Variants in CFAP46 observed in about 807,000 individuals in gnomAD.
CFAP46 encodes the protein cilia- and flagella-associated protein 46.
A neutral mutation model predicts 325.7 loss-of-function variants in CFAP46; 245 were observed. That is an observed-to-expected ratio of 0.75 (90% CI 0.68 to 0.84). The LOEUF (loss-of-function observed/expected upper bound fraction) is 0.84. Ranked by LOEUF, CFAP46 falls within the 40% of genes least tolerant of loss-of-function variation. The probability of loss-of-function intolerance (pLI) is 0.00; values close to 1 mark genes in which losing one functional copy is unlikely to be tolerated. For synonymous variants in CFAP46, 1,523 were observed against 1,495.9 expected, an observed-to-expected ratio of 1.02 and a Z score of -0.42; for missense variants, 3,346 against 3,543.0, an observed-to-expected ratio of 0.94 and a Z score of 1.41.
Position 132,937,036 on chromosome 10 carries a change from T to A in CFAP46, c.680A>T (p.Asp227Val). Residue 227 changes from aspartate (D) to valine (V), a missense_variant, in exon 7 of 58, where the codon GAC (aspartate) becomes GTC (valine). Physicochemically the swap from Asp to Val is radical, Grantham distance 152 (BLOSUM62 -3). Coordinates refer to ENST00000368586, the MANE Select transcript of CFAP46 (RefSeq NM_001200049.3). ...CTTTTCTTCCTTTAACTGAAGTTCG[T>A]CCATTAATTCATGACGAACCTGTCA... ...FSVMVRHELM[D>V]ELQLKEEKKN... is the part of the protein sequence containing the mutation. 1 of 1,527,298 alleles carries A rather than the reference T, an allele frequency of 6.5e-7. No individual in the cohort carries two copies. The highest frequency in any genetic ancestry group is 8.9e-7 in the Non-Finnish European group (1 of 1,126,348). 94.6% of individuals were successfully genotyped at this position (1,527,298 alleles called of 1,614,324 possible).
Position 132,847,165 on chromosome 10 carries a change from G to C in CFAP46, c.6087+22C>G, listed in dbSNP as rs376079983. ...CAGGCTCCGGGCAGAGGCCACACGA[G>C]GGGCAGGAGGGGCAGCCGCACCTTC... On this transcript the variant is annotated intron_variant, in intron 42 of 57. Coordinates refer to ENST00000368586, the MANE Select transcript of CFAP46 (RefSeq NM_001200049.3). The surrounding 1 kb of genome is among the most constrained non-coding windows in gnomAD (Gnocchi z 5.2). The C allele has an allele frequency of 1.1e-4, 184 of 1,608,558 alleles. No homozygotes were observed. The African/African-American group carries it at 1.8e-3, about 16-fold the overall frequency.
intron 6 of CFAP46, 61 bp downstream of exon 6, chr10:132,937,491 C>A (rs1850026955): frequency 6.2e-7 from 1 of 1,603,120 alleles, no homozygotes; most frequent in Non-Finnish European, 8.5e-7. Flanking sequence ...ACGCAGTTTT[C>A]TGAACAATGA....
At chr10:132,936,880 C>G (rs1185481745) in intron 7 of CFAP46, 81 bp downstream of exon 7, 14 of 748,498 alleles carry the variant, frequency 1.9e-5, no homozygotes, top group Non-Finnish European at 2.8e-5. Flanking sequence ...CACAGGACCT[C>G]CCCCCATGGA....
rs1016128243 is a variant in CFAP46, at chr10:132,886,873, C to T, written c.3305-914G>A. On this transcript the variant is annotated intron_variant, in intron 25 of 57. Transcript: ENST00000368586. The surrounding 1 kb of genome is among the most constrained non-coding windows in gnomAD (Gnocchi z 5.8). ...ACAGCCATGGCGACTAGAATGCTGACGCGTCCCCTCCCCGTCATGGGCGCT... is the reference window on the plus strand; with the variant it reads ...ACAGCCATGGCGACTAGAATGCTGATGCGTCCCCTCCCCGTCATGGGCGCT... Among the ~76,000 whole-genome samples the T allele has an allele frequency of 2.6e-5, 4 of 152,116 alleles. No individual in the cohort carries two copies. Among genetic ancestry groups the T allele is most frequent in the East Asian group, 1.9e-4 (1 of 5,158 alleles).
rs1564806656 is a variant in CFAP46 at position 132,937,027 on chromosome 10, T to G, written c.689A>C (p.Gln230Pro). The change falls in exon 7 of 58, where the codon CAG becomes CCG. Residue 230 changes from glutamine (Q) to proline (P), a missense_variant. Physicochemically the swap from Gln to Pro is moderately conservative, Grantham distance 76. Coordinates refer to ENST00000368586, the MANE Select transcript of CFAP46 (RefSeq NM_001200049.3). ...MVRHELMDEL[Q>P]LKEEKKNSIS... ...GGAATTTTTCTTTTCTTCCTTTAAC[T>G]GAAGTTCGTCCATTAATTCATGACG... 3.9e-6 allele frequency: 6 copies of G among 1,535,652 alleles called. No homozygotes were observed.
intron 8 of CFAP46, among the ~76,000 whole-genome samples, chr10:132,930,598 C>T (rs1849881559): frequency 2.4e-5 from 3 of 127,392 alleles, no homozygotes; most frequent in African/African-American, 6.1e-5. Flanking sequence ...TGGGCCTCCC[C>T]ACACTCCCCA....
rs1295890426 is a variant in CFAP46 at position 132,811,181 on chromosome 10, G to T, written c.7502-150C>A. 15 of 694,600 alleles carry T rather than the reference G, an allele frequency of 2.2e-5. No homozygotes were observed. The East Asian group carries it at 3.9e-4, about 18-fold the overall frequency. The allele number at this position is 694,600 out of a possible 1,614,324, so 43.0% of individuals were successfully genotyped here. A position where few individuals can be genotyped will look rare whatever the true frequency, so the allele number is the denominator to read the frequency against. ...CGGGCTCCGACCTCATGACCGTCAG[G>T]TTTTTTCCAGGGACCCCCTGGCCAC... is the stretch of plus-strand genomic sequence containing the variant. On this transcript the variant is annotated intron_variant, in intron 55 of 57. Transcript: ENST00000368586.
chr10:132,867,583 C>T (rs893344065), intron 33 of CFAP46, 76 bp from the exon 34 acceptor site: 24 of 1,500,574 alleles, frequency 1.6e-5, no homozygotes, highest in African/African-American at 2.8e-5. Flanking sequence ...ACCAAAGAAA[C>T]GCAAACGAAA....
chr10:132,942,010 C>T lies in CFAP46; in HGVS notation c.144G>A (p.Leu48=). ...FDPSESFSPD[L]FVLCAEQALK... ...GGGCCTGCTCTGCACACAGAACAAA[C>T]AGGTCTGGGCTGAAGCTCTCTGAGG... The change falls in exon 2 of 58, where the codon CTG becomes CTA. Residue 48 remains leucine (L), a synonymous_variant. Transcript: ENST00000368586. 1 of 1,551,930 alleles carries T rather than the reference C, an allele frequency of 6.4e-7. No homozygotes were observed. Among genetic ancestry groups the T allele is most frequent in the Non-Finnish European group, 8.7e-7 (1 of 1,147,056 alleles).
In CFAP46 at chr10:132,830,938, C is replaced by A. The variant is rs115225441; in HGVS notation, c.7117+2420G>T. 4.7e-3 allele frequency among the ~76,000 whole-genome samples: 711 copies of A among 152,304 alleles called. 9 individuals carry two copies. Among genetic ancestry groups the A allele is most frequent in the African/African-American group, 0.016 (669 of 41,572 alleles). On this transcript the variant is annotated intron_variant, in intron 50 of 57. Transcript: ENST00000368586. ...GCTTAGTTCCATAAAGTCCTTCTTGCGCTTCAGCAGCATCCACACATAATG... is the reference window on the plus strand; with the variant it reads ...GCTTAGTTCCATAAAGTCCTTCTTGAGCTTCAGCAGCATCCACACATAATG...
chr10:132,907,757 G>T (rs552658576), intron 22 of CFAP46, among the ~76,000 whole-genome samples: 1 of 152,174 alleles, frequency 6.6e-6, no homozygotes, highest in Non-Finnish European at 1.5e-5. Context: ...TGGCCTTTGA[G>T]GGGGGTTGGA....
intron 22 of CFAP46, among the ~76,000 whole-genome samples, chr10:132,906,965 G>A (rs1408175003): frequency 1.3e-5 from 2 of 152,256 alleles, no homozygotes; most frequent in African/African-American, 4.8e-5. Flanking sequence ...TGGCCTGCTT[G>A]TGCCTCTGAG....
At chr10:132,910,245 C>T (rs1439878689) in intron 19 of CFAP46, 177 bp from the exon 20 acceptor site, 6 of 533,128 alleles carry the variant, frequency 1.1e-5, no homozygotes, top group Non-Finnish European at 1.5e-5. Context: ...GATGAAGCCC[C>T]ACCCCCAGAC....
chr10:132,933,792 C>T (rs554418279), intron 8 of CFAP46, among the ~76,000 whole-genome samples: 6 of 152,346 alleles, frequency 3.9e-5, no homozygotes, highest in African/African-American at 1.4e-4. Context: ...CCACCAGGAC[C>T]GAGGCCTGAA....
At chr10:132,926,044 G>C (rs890389340) in intron 10 of CFAP46, among the ~76,000 whole-genome samples, 2 of 152,232 alleles carry the variant, frequency 1.3e-5, no homozygotes, top group Admixed American at 6.5e-5. Flanking sequence ...AGTCTAAAAG[G>C]ATTCCTAGTT....
intron 27 of CFAP46, among the ~76,000 whole-genome samples, chr10:132,883,129 T>C (rs1057139660): frequency 1.3e-5 from 2 of 152,144 alleles, no homozygotes; most frequent in Non-Finnish European, 2.9e-5. Context: ...TAGAATTTCA[T>C]CACAATTTAA....
At position 132,909,994 on chromosome 10, in the gene CFAP46, C is replaced by T; in HGVS notation, c.2574G>A (p.Gln858=). The T allele has an allele frequency of 6.5e-7, 1 of 1,543,998 alleles. No homozygotes were observed. The highest frequency in any genetic ancestry group is 8.7e-7 in the Non-Finnish European group (1 of 1,144,610). Residue 858 remains glutamine, a synonymous_variant, in exon 20 of 58, where the codon CAG becomes CAA. Transcript: ENST00000368586. ...TGGCCTTGACCCAGGTGGCGATAAG[C>T]TGCTGCCGGGTGCCGGTGGGCACCG... ...EETVPTGTRQ[Q]LIATWVKAKQ...
chr10:132,819,291 T>C (rs552422039), intron 50 of CFAP46, among the ~76,000 whole-genome samples: 8 of 152,176 alleles, frequency 5.3e-5, no homozygotes, highest in Non-Finnish European at 1.0e-4. Context: ...TGTTCATGGA[T>C]TGGAAGAATT....
intron 17 of CFAP46, among the ~76,000 whole-genome samples, 155 bp from the exon 18 acceptor site, chr10:132,913,413 G>GC (rs977156862): frequency 6.6e-6 from 1 of 152,094 alleles, no homozygotes; most frequent in African/African-American, 2.4e-5. Flanking sequence ...ATTTACAGTC[G>GC]CCCCGCCGCT....
Sources: gnomAD v4.1 joint callset for allele counts (sites outside exome capture counted in the v4.1 genomes callset) on GRCh38, gnomAD v4.1.1 for gene constraint, Gnocchi (gnomAD v3.1) non-coding constraint, MANE v1.5 for transcripts, NCBI Gene and HGNC (gene_info 2026-07-23, HGNC 2026-07-21) for gene names.